Variants in AKT1 observed in about 807,000 individuals in gnomAD.
AKT1 encodes the protein RAC-alpha serine/threonine-protein kinase.
In AKT1, 21 loss-of-function variants were observed where a neutral mutation model predicts 63.1. The ratio of observed to expected loss-of-function variants is 0.33; its 90% CI spans 0.24 to 0.48. The LOEUF (loss-of-function observed/expected upper bound fraction) is 0.48, where lower values mean the gene tolerates loss of function less well. AKT1 is among the 20% of genes least tolerant of loss of function. The pLI, the probability that AKT1 is intolerant of heterozygous loss-of-function variation, is 0.99. For synonymous variants in AKT1, 257 were observed against 253.1 expected (o/e 1.02, Z -0.15); for missense variants, 382 against 666.0 (o/e 0.57, Z 4.69).
At chr14:104,788,371 G>A (rs1300658898) in intron 3 of AKT1, among the ~76,000 whole-genome samples, 1 of 152,158 alleles carries the variant, frequency 6.6e-6, no homozygotes, top group Non-Finnish European at 1.5e-5. Flanking sequence ...GCGGGGTAAT[G>A]AGCAGCCTCC....
chr14:104,783,121 G>A (rs747568587), intron 3 of AKT1, among the ~76,000 whole-genome samples: 11 of 152,220 alleles, frequency 7.2e-5, no homozygotes, highest in African/African-American at 1.7e-4. Context: ...TGCCTACTCC[G>A]GGTCCCTCAG....
chr14:104,788,745 C>T (rs1051935108), intron 3 of AKT1, among the ~76,000 whole-genome samples: 1 of 152,200 alleles, frequency 6.6e-6, no homozygotes, highest in Non-Finnish European at 1.5e-5. Flanking sequence ...AGCCTAGGCA[C>T]CTGCTTGGGG....
chr14:104,770,647 G>T, intron 14 of AKT1, 98 bp downstream of exon 14: 3 of 1,208,728 alleles, frequency 2.5e-6, no homozygotes, highest in Non-Finnish European at 3.6e-6. Context: ...TAAATATTTA[G>T]ATTTTAAAAC....
At chr14:104,781,258 G>T (rs1206737536) in intron 3 of AKT1, among the ~76,000 whole-genome samples, 1 of 152,172 alleles carries the variant, frequency 6.6e-6, no homozygotes, top group South Asian at 2.1e-4. Flanking sequence ...AGGGGGCCAG[G>T]GTAAGGGGTT....
Position 104,773,383 on chromosome 14 carries a change from G to A in AKT1, c.829-4C>T, listed in dbSNP as rs756663391. 42 of 1,614,064 alleles carry A rather than the reference G, an allele frequency of 2.6e-5. No individual in the cohort carries two copies. In the South Asian group the frequency reaches 4.5e-4, roughly 17 times the overall value. ...TGTCCAGCATGAGGTTCTCCAGCTA[G>A]GGGAAAGGTGGCCTCAGGTCAGTGC... On this transcript the variant is annotated splice_polypyrimidine_tract_variant and splice_region_variant and intron_variant, in intron 10 of 14. Coordinates refer to ENST00000649815, the MANE Select transcript of AKT1 (RefSeq NM_001382430.1).
Position 104,791,238 on chromosome 14 carries a change from G to A in AKT1, c.46+1360C>T, listed in dbSNP as rs376550720. Among the ~76,000 whole-genome samples, 574 of 152,262 alleles carry A rather than the reference G, an allele frequency of 3.8e-3. 5 individuals are homozygous for A. Among genetic ancestry groups the A allele is most frequent in the African/African-American group, 0.013 (553 of 41,532 alleles). On this transcript the variant is annotated intron_variant, in intron 3 of 14. Transcript: ENST00000649815. ...GGCAGCAGACTATGTGACACAGAGAGGAACAGGGCCAGGGTCGGGGCAGGG... is the reference window on the plus strand; with the variant it reads ...GGCAGCAGACTATGTGACACAGAGAAGAACAGGGCCAGGGTCGGGGCAGGG...
At position 104,769,679 on chromosome 14, in the gene AKT1, C is replaced by A. The variant is rs2140884343; in HGVS notation, c.*662G>T. On this transcript the variant is annotated 3_prime_UTR_variant, in exon 15 of 15. Transcript: ENST00000649815. Reference sequence around the variant, plus strand: ...GCTTTCCTGTCACAAAGATTAAAAACCCCCAAAATGCATTTGAACAACATA... The same window carrying A: ...GCTTTCCTGTCACAAAGATTAAAAAACCCCAAAATGCATTTGAACAACATA... 2 of 465,906 alleles carry A rather than the reference C, an allele frequency of 4.3e-6. No individual in the cohort carries two copies. The highest frequency in any genetic ancestry group is 2.0e-5 in the African/African-American group (1 of 49,948). 28.9% of individuals were successfully genotyped at this position (465,906 alleles called of 1,614,324 possible).
Position 104,776,072 on chromosome 14 carries a change from A to C in AKT1, c.288-273T>G, listed in dbSNP as rs61761188. The C allele has an allele frequency of 0.019, 5,566 of 299,286 alleles. 325 individuals carry two copies. The African/African-American group carries it at 0.21, about 11-fold the overall frequency. 18.5% of individuals were successfully genotyped at this position (299,286 alleles called of 1,614,324 possible). A position where few individuals can be genotyped will look rare whatever the true frequency, so the allele number is the denominator to read the frequency against. ...CCCCAGCAGGACTCCGCCCCCCAGCAGGACTCCGCCCCCCCCAAGCAGGAC... is the reference window on the plus strand; with the variant it reads ...CCCCAGCAGGACTCCGCCCCCCAGCCGGACTCCGCCCCCCCCAAGCAGGAC... On this transcript the variant is annotated intron_variant, in intron 5 of 14. Coordinates refer to ENST00000649815, the MANE Select transcript of AKT1 (RefSeq NM_001382430.1).
Position 104,777,220 on chromosome 14 carries a change from CCACCTGGAGCACACCCA to C in AKT1, c.176-467_176-451del, listed in dbSNP as rs1485858021. On this transcript the variant is annotated intron_variant, in intron 4 of 14. Coordinates refer to ENST00000649815, the MANE Select transcript of AKT1 (RefSeq NM_001382430.1). ...CACCCTGAGTACCTGGGAAATACAG[CCACCTGGAGCACACCCA>C]CACCTGGGGCACACCCACACCTGGG... The C allele has an allele frequency of 7.5e-4, 126 of 168,458 alleles. 2 individuals are homozygous for C. Among genetic ancestry groups the C allele is most frequent in the South Asian group, 5.1e-3 (68 of 13,312 alleles). 10.4% of individuals were successfully genotyped at this position (168,458 alleles called of 1,614,324 possible).
chr14:104,790,279 G>C (rs765643907), intron 3 of AKT1, among the ~76,000 whole-genome samples: 2 of 152,178 alleles, frequency 1.3e-5, no homozygotes, highest in Non-Finnish European at 2.9e-5. Context: ...AGCAAGGCTG[G>C]GGGGGAGTGG....
chr14:104,776,086 CCCAAGCAGGACTCCGCCT>C (rs1172704680), intron 5 of AKT1: 61 of 341,002 alleles, frequency 1.8e-4, no homozygotes, highest in African/African-American at 5.2e-4. Context: ...CTCCGCCCCC[CCCAAGCAGGACTCCGCCT>C]CCCAAGCAGG....
chr14:104,793,713 G>C (rs1223308822), intron 1 of AKT1: 1 of 159,158 alleles, frequency 6.3e-6, no homozygotes, highest in Non-Finnish European at 1.4e-5. Flanking sequence ...ATCCTGCATG[G>C]CTTCCTCATT....
rs373253729 is a variant in AKT1 at position 104,772,927 on chromosome 14, C to T, written c.1123G>A (p.Glu375Lys). ...EIRFPRTLGP[E>K]AKSLLSGLLK... ...AGCCCTGAAAGCAAGGACTTGGCCT[C>T]GGGACCAAGCGTGCGCGGGAAGCGG... is the stretch of plus-strand genomic sequence containing the variant. The change falls in exon 12 of 15, where the codon GAG becomes AAG. Residue 375 changes from glutamate (E) to lysine (K), a missense_variant. Glu to Lys is a moderately conservative substitution (Grantham distance 56). This residue lies in a region of AKT1 where 66 missense variants were observed against 179.1 expected (regional missense o/e 0.37). Coordinates refer to ENST00000649815, the MANE Select transcript of AKT1 (RefSeq NM_001382430.1). The T allele has an allele frequency of 6.2e-6, 10 of 1,613,422 alleles. No homozygotes were observed. The highest frequency in any genetic ancestry group is 3.3e-5 in the Admixed American group (2 of 59,984).
intron 4 of AKT1, chr14:104,777,186 T>C (rs1330171683): frequency 1.4e-5 from 3 of 214,704 alleles, no homozygotes; most frequent in African/African-American, 4.7e-5. Context: ...CCTGCTTTTT[T>C]CCCAACCTCA....
rs1183761141 is a variant in AKT1 at position 104,772,268 on chromosome 14, G to A, written c.1260+97C>T. On this transcript the variant is annotated intron_variant, in intron 13 of 14. Coordinates refer to ENST00000649815, the MANE Select transcript of AKT1 (RefSeq NM_001382430.1). ...TGCAGCAGGCTCCTGAGGTGAGGGC[G>A]AGTGTGTGGGAAATCTGGCGAGCGT... 1.8e-5 allele frequency: 23 copies of A among 1,274,272 alleles called. No homozygotes were observed. The South Asian group carries it at 1.9e-4, about 10-fold the overall frequency. The allele number at this position is 1,274,272 out of a possible 1,614,324, so 78.9% of individuals were successfully genotyped here.
intron 9 of AKT1, 90 bp from the exon 10 acceptor site, chr14:104,773,670 C>T (rs1184608145): frequency 4.0e-6 from 6 of 1,515,124 alleles, no homozygotes. Context: ...CGGGTCTCGG[C>T]ATTGCACAGG....
intron 3 of AKT1, among the ~76,000 whole-genome samples, chr14:104,781,157 T>C (rs1311382322): frequency 2.0e-5 from 3 of 152,198 alleles, no homozygotes; most frequent in Non-Finnish European, 4.4e-5. Context: ...AATGTTCCAC[T>C]TACATTTTGC....
intron 3 of AKT1, among the ~76,000 whole-genome samples, chr14:104,784,780 C>A (rs1338806293): frequency 1.3e-5 from 2 of 152,154 alleles, no homozygotes; most frequent in Non-Finnish European, 2.9e-5. Flanking sequence ...CCCACTTAGA[C>A]ATGGGGGCCA....
intron 5 of AKT1, 97 bp from the exon 6 acceptor site, chr14:104,775,896 A>T (rs1892675196): frequency 6.9e-7 from 1 of 1,455,994 alleles, no homozygotes; most frequent in Admixed American, 2.1e-5. Context: ...GTGGTTCCAC[A>T]GCTGTCGGGG....
Sources: allele counts gnomAD v4.1 joint callset (sites outside exome capture counted in the v4.1 genomes callset), GRCh38; gene constraint gnomAD v4.1.1; regional missense constraint gnomAD v4.1.1; transcripts MANE v1.5; gene names NCBI Gene and HGNC (gene_info 2026-07-23, HGNC 2026-07-21).